Variants in AGBL4 observed in about 807,000 individuals in gnomAD.
AGBL4 encodes AGBL carboxypeptidase 4.
Under a neutral mutation model 66.4 loss-of-function variants are expected in AGBL4, and 58 were observed. That is an observed-to-expected ratio of 0.87 (90% CI 0.71 to 1.09). The LOEUF (loss-of-function observed/expected upper bound fraction) is 1.09, where lower values mean the gene tolerates loss of function less well. Ranked by LOEUF, AGBL4 falls within the 50% of genes least tolerant of loss-of-function variation. AGBL4 has a pLI of 0.00. For missense variants in AGBL4, 579 were observed against 631.0 expected (o/e 0.92, Z 0.88); for synonymous variants, 234 against 222.9 (o/e 1.05, Z -0.44).
At chr1:49,112,737 C>G (rs1033049528) in intron 4 of AGBL4, among the ~76,000 whole-genome samples, 4 of 152,194 alleles carry the variant, frequency 2.6e-5, no homozygotes, top group African/African-American at 9.7e-5. Flanking sequence ...CTCATCCATT[C>G]AAGTTTTATC....
At chr1:49,220,796 AG>A (rs1280486850) in intron 4 of AGBL4, among the ~76,000 whole-genome samples, 1 of 152,162 alleles carries the variant, frequency 6.6e-6, no homozygotes, top group African/African-American at 2.4e-5. Context: ...CTAAACTTTC[AG>A]AGGCTCTGCT....
At chr1:49,131,840 G>A (rs1645904292) in intron 4 of AGBL4, among the ~76,000 whole-genome samples, 1 of 151,998 alleles carries the variant, frequency 6.6e-6, no homozygotes, top group South Asian at 2.1e-4. Flanking sequence ...AGATATTGAA[G>A]GAGCATCAGA....
At chr1:49,996,387 A>C (rs954433749) in intron 1 of AGBL4, among the ~76,000 whole-genome samples, 5 of 152,212 alleles carry the variant, frequency 3.3e-5, no homozygotes, top group Admixed American at 1.3e-4. Flanking sequence ...CTACTTCTGG[A>C]AATGAAAAAC....
At chr1:48,840,373 C>G (rs1646772018) in intron 6 of AGBL4, among the ~76,000 whole-genome samples, 1 of 152,096 alleles carries the variant, frequency 6.6e-6, no homozygotes, top group African/African-American at 2.4e-5. Context: ...TTAAATTCTC[C>G]TGGCCTCAGT....
chr1:48,745,080 G>A (rs1650529653), intron 6 of AGBL4, among the ~76,000 whole-genome samples: 1 of 152,188 alleles, frequency 6.6e-6, no homozygotes, highest in Admixed American at 6.5e-5. Context: ...AGACTATAAA[G>A]CTCTTCAAGA....
At chr1:48,984,259 C>G (rs1659997411) in intron 5 of AGBL4, among the ~76,000 whole-genome samples, 1 of 151,658 alleles carries the variant, frequency 6.6e-6, no homozygotes, top group Non-Finnish European at 1.5e-5. Flanking sequence ...GATGTGGAAA[C>G]TAATGTTTAA....
At chr1:48,728,444 T>C (rs1647552147) in intron 6 of AGBL4, among the ~76,000 whole-genome samples, 1 of 151,492 alleles carries the variant, frequency 6.6e-6, no homozygotes, top group Non-Finnish European at 1.5e-5. Flanking sequence ...CCATTTTCAA[T>C]CTTTTTATAA....
chr1:48,774,748 C>T (rs920941079), intron 6 of AGBL4, among the ~76,000 whole-genome samples: 2 of 152,192 alleles, frequency 1.3e-5, no homozygotes, highest in Admixed American at 6.5e-5. Context: ...GTGGGAGCTG[C>T]CATCTGCCTA....
rs1305637926 is a variant in AGBL4 at position 49,763,981 on chromosome 1, C to G, written c.158-66544G>C. On this transcript the variant is annotated intron_variant, in intron 2 of 13. Transcript: ENST00000371839. The stretch of plus-strand genomic sequence containing the variant: ...TTGCTGGCTTGGGCTCCCAGTGCAG[C>G]AGCCCTGTTCCCACCTGGCCAGCGC... Among the ~76,000 whole-genome samples the G allele has an allele frequency of 2.0e-5, 3 of 152,160 alleles. 1 individual carries two copies. The highest frequency in any genetic ancestry group is 7.2e-5 in the African/African-American group (3 of 41,436).
In AGBL4 at chr1:49,679,007, T is replaced by C. The variant is rs111350252; in HGVS notation, c.282+18306A>G. Among the ~76,000 whole-genome samples the C allele has an allele frequency of 7.2e-5, 11 of 152,214 alleles. 1 individual carries two copies. Among genetic ancestry groups the C allele is most frequent in the African/African-American group, 2.6e-4 (11 of 41,550 alleles). ...GAATGCCATGGTCATTTGAAAAAAT[T>C]GTTTATTCTCATATTGGGTGGAGTG... is the stretch of plus-strand genomic sequence containing the variant. On this transcript the variant is annotated intron_variant, in intron 3 of 13. Coordinates refer to ENST00000371839, the MANE Select transcript of AGBL4 (RefSeq NM_032785.4).
intron 1 of AGBL4, among the ~76,000 whole-genome samples, chr1:49,915,471 C>T (rs999729503): frequency 9.2e-5 from 14 of 152,088 alleles, no homozygotes; most frequent in East Asian, 7.7e-4. Flanking sequence ...CCACGCCCAC[C>T]GGGCCTCGCT....
intron 5 of AGBL4, among the ~76,000 whole-genome samples, chr1:48,891,460 A>C (rs2148856361): frequency 6.6e-6 from 1 of 152,334 alleles, no homozygotes; most frequent in South Asian, 2.1e-4. Context: ...TCATAATGAT[A>C]AATCAAACCT....
At chr1:49,001,799 C>A (rs1557545528) in intron 5 of AGBL4, among the ~76,000 whole-genome samples, 1 of 152,234 alleles carries the variant, frequency 6.6e-6, no homozygotes, top group East Asian at 1.9e-4. Flanking sequence ...GTCAGTAATG[C>A]TCCTTGTCCT....
chr1:48,522,868 G>C, the AGBL4 span, among the ~76,000 whole-genome samples: 1 of 151,266 alleles, frequency 6.6e-6, no homozygotes, highest in East Asian at 2.0e-4. Flanking sequence ...AGAGGTTGCA[G>C]TGAGCCGAGA....
chr1:48,924,553 C>T (rs184648101), intron 5 of AGBL4, among the ~76,000 whole-genome samples: 22 of 152,162 alleles, frequency 1.4e-4, no homozygotes, highest in African/African-American at 5.3e-4. Context: ...TGGAGTTTTT[C>T]TTTTGTTTTG....
intron 8 of AGBL4, among the ~76,000 whole-genome samples, chr1:48,646,691 C>G (rs137929544): frequency 2.1e-4 from 32 of 152,158 alleles, no homozygotes; most frequent in African/African-American, 6.0e-4. Context: ...TCCTTCATCA[C>G]TATGAGTCAG....
At chr1:49,880,305 G>T (rs1357147058) in intron 1 of AGBL4, among the ~76,000 whole-genome samples, 2 of 151,708 alleles carry the variant, frequency 1.3e-5, no homozygotes, top group African/African-American at 4.9e-5. Context: ...TCTACTTTTG[G>T]TCTTTGATGA....
intron 6 of AGBL4, among the ~76,000 whole-genome samples, chr1:48,821,267 C>T (rs1646306675): frequency 6.6e-6 from 1 of 152,154 alleles, no homozygotes; most frequent in African/African-American, 2.4e-5. Flanking sequence ...GAAAATAAAT[C>T]ATTGTTTCAA....
At chr1:48,540,147 A>G (rs1022059897) in intron 11 of AGBL4, among the ~76,000 whole-genome samples, 1 of 152,134 alleles carries the variant, frequency 6.6e-6, no homozygotes, top group African/African-American at 2.4e-5. Flanking sequence ...GACAAGAGAC[A>G]TTTGTTGCAT....
Sources: gnomAD v4.1 joint callset for allele counts (sites outside exome capture counted in the v4.1 genomes callset) on GRCh38, gnomAD v4.1.1 for gene constraint, MANE v1.5 for transcripts, NCBI Gene and HGNC (gene_info 2026-07-23, HGNC 2026-07-21) for gene names.